The following ST6GALNAC3 variants were observed in gnomAD, a reference collection of about 807,000 sequenced individuals.
ST6GALNAC3 encodes ST6 N-acetylgalactosaminide alpha-2,6-sialyltransferase 3, also known as alpha-N-acetylgalactosaminide alpha-2,6-sialyltransferase 3.
ST6GALNAC3 carries 25 observed loss-of-function variants against 32.7 expected under a neutral mutation model. That is an observed-to-expected ratio of 0.76 (90% confidence interval 0.56 to 1.07). The LOEUF (loss-of-function observed/expected upper bound fraction) is 1.07. ST6GALNAC3 is among the 50% of genes least tolerant of loss of function. The pLI is 0.00. For synonymous variants in ST6GALNAC3, 129 were observed against 133.1 expected (o/e 0.97, Z 0.21); for missense variants, 355 against 382.4 (o/e 0.93, Z 0.60).
chr1:76,445,617 T>A (rs1656916586), intron 3 of ST6GALNAC3, among the ~76,000 whole-genome samples: 1 of 152,186 alleles, frequency 6.6e-6, no homozygotes. Context: ...CAATATTTTG[T>A]GAAAATTCTT....
chr1:76,481,421 C>T (rs1490175150), intron 3 of ST6GALNAC3, among the ~76,000 whole-genome samples: 3 of 152,152 alleles, frequency 2.0e-5, no homozygotes, highest in Admixed American at 6.5e-5. Context: ...TCTCCCCAAC[C>T]CTAACAACCC....
At chr1:76,429,900 A>G (rs543794667) in intron 3 of ST6GALNAC3, among the ~76,000 whole-genome samples, 2 of 152,296 alleles carry the variant, frequency 1.3e-5, no homozygotes, top group South Asian at 2.1e-4. Flanking sequence ...TTATTGATAT[A>G]TGTTCAGTAC....
At chr1:76,471,439 T>G (rs1174515426) in intron 3 of ST6GALNAC3, among the ~76,000 whole-genome samples, 2 of 152,168 alleles carry the variant, frequency 1.3e-5, no homozygotes, top group African/African-American at 2.4e-5. Context: ...TTCTTGGTGC[T>G]CTTGTCTTTT....
intron 1 of ST6GALNAC3, among the ~76,000 whole-genome samples, chr1:76,303,884 GTTTAAATTTTTCTCACTTCTCTTTATAT>G (rs1251241844): frequency 4.0e-5 from 6 of 151,802 alleles, no homozygotes; most frequent in Non-Finnish European, 4.4e-5. Flanking sequence ...TTTAACAAAT[GTTTAAATTTTTCTCACTTCTCTTTATAT>G]TTTAAATTTT....
chr1:76,234,661 A>G (rs1194476249), intron 1 of ST6GALNAC3, among the ~76,000 whole-genome samples: 1 of 152,196 alleles, frequency 6.6e-6, no homozygotes, highest in Non-Finnish European at 1.5e-5. Flanking sequence ...CAATCTTCAA[A>G]ACACATTTTT....
chr1:76,603,989 TA>T (rs1374428879), intron 3 of ST6GALNAC3, among the ~76,000 whole-genome samples: 1 of 152,228 alleles, frequency 6.6e-6, no homozygotes, highest in Non-Finnish European at 1.5e-5. Context: ...GGTGTTGGTC[TA>T]AAACATAACA....
rs775926947 is a variant in ST6GALNAC3, at chr1:76,521,841, GGTGGA to G, written c.624-105610_624-105606del. ...CCTAGCACTTTGGGAGGCCGAGGCAGGTGGATTGCCTGAGCTCAGGAGTTCGAGAC... is the reference window on the plus strand; with the variant it reads ...CCTAGCACTTTGGGAGGCCGAGGCAGTTGCCTGAGCTCAGGAGTTCGAGAC... On this transcript the variant is annotated intron_variant, in intron 3 of 4. Transcript: ENST00000328299. Among the ~76,000 whole-genome samples the G allele has an allele frequency of 1.3e-4, 20 of 152,258 alleles. No homozygotes were observed. In the East Asian group the frequency reaches 3.5e-3, roughly 27 times the overall value.
intron 3 of ST6GALNAC3, among the ~76,000 whole-genome samples, chr1:76,467,468 C>A (rs899908568): frequency 4.0e-5 from 6 of 151,836 alleles, no homozygotes; most frequent in African/African-American, 1.5e-4. Flanking sequence ...TGCCCAACAA[C>A]TGGGGATTAG....
At chr1:76,594,016 G>T (rs891496304) in intron 3 of ST6GALNAC3, among the ~76,000 whole-genome samples, 1 of 152,090 alleles carries the variant, frequency 6.6e-6, no homozygotes, top group Non-Finnish European at 1.5e-5. Flanking sequence ...GGGCCCTTGT[G>T]CTGCCCCTTC....
At chr1:76,267,055 G>T (rs576985182) in intron 1 of ST6GALNAC3, among the ~76,000 whole-genome samples, 1 of 152,174 alleles carries the variant, frequency 6.6e-6, no homozygotes, top group Admixed American at 6.6e-5. Context: ...CCCAACCTTG[G>T]CCAAGTGCCC....
chr1:76,601,216 G>A (rs1647223874), intron 3 of ST6GALNAC3, among the ~76,000 whole-genome samples: 1 of 151,054 alleles, frequency 6.6e-6, no homozygotes, highest in Admixed American at 6.6e-5. Context: ...AAGGAAGGAA[G>A]GAAGGAAGAA....
At chr1:76,465,452 T>A (rs1658561145) in intron 3 of ST6GALNAC3, among the ~76,000 whole-genome samples, 1 of 152,154 alleles carries the variant, frequency 6.6e-6, no homozygotes, top group African/African-American at 2.4e-5. Context: ...GTTATGATGT[T>A]TTACTTCTCT....
At chr1:76,217,444 C>A (rs1341993401) in intron 1 of ST6GALNAC3, among the ~76,000 whole-genome samples, 1 of 152,216 alleles carries the variant, frequency 6.6e-6, no homozygotes, top group Non-Finnish European at 1.5e-5. Context: ...TTAGTCTCAG[C>A]ATAAATAGTG....
downstream of ST6GALNAC3, among the ~76,000 whole-genome samples, chr1:76,635,210 C>G (rs1214043982): frequency 6.6e-6 from 1 of 152,122 alleles, no homozygotes; most frequent in African/African-American, 2.4e-5. Flanking sequence ...TTACTTTCCT[C>G]TCTCCTCTTA....
chr1:76,598,033 G>T (rs1405337906), intron 3 of ST6GALNAC3, among the ~76,000 whole-genome samples: 2 of 152,154 alleles, frequency 1.3e-5, no homozygotes, highest in Non-Finnish European at 2.9e-5. Context: ...TGCAGGCCGG[G>T]AATACCAAGA....
chr1:76,431,243 T>G (rs951248400), intron 3 of ST6GALNAC3, among the ~76,000 whole-genome samples: 4 of 152,172 alleles, frequency 2.6e-5, no homozygotes, highest in Non-Finnish European at 4.4e-5. Context: ...TGGGTATGCT[T>G]GCCTCAACTT....
At chr1:76,562,051 T>G (rs764048437) in intron 3 of ST6GALNAC3, among the ~76,000 whole-genome samples, 6 of 152,150 alleles carry the variant, frequency 3.9e-5, no homozygotes, top group Non-Finnish European at 8.8e-5. Context: ...GGCACATCTA[T>G]GGAGATAGTA....
chr1:76,225,873 A>G (rs1035599797), intron 1 of ST6GALNAC3, among the ~76,000 whole-genome samples: 11 of 152,266 alleles, frequency 7.2e-5, no homozygotes, highest in East Asian at 1.9e-4. Flanking sequence ...TAGGACCCCA[A>G]TTATTACTTA....
intron 1 of ST6GALNAC3, among the ~76,000 whole-genome samples, chr1:76,247,610 C>T (rs1471845662): frequency 1.3e-5 from 2 of 152,144 alleles, no homozygotes; most frequent in African/African-American, 2.4e-5. Flanking sequence ...CTTCCAGTGC[C>T]CTTAGCACTG....
Sources: allele counts gnomAD v4.1 joint callset (sites outside exome capture counted in the v4.1 genomes callset), GRCh38; gene constraint gnomAD v4.1.1; transcripts MANE v1.5; gene names NCBI Gene and HGNC (gene_info 2026-07-23, HGNC 2026-07-21).